Variants in NNMT observed in about 807,000 individuals in gnomAD.
NNMT encodes nicotinamide N-methyltransferase.
Under a neutral mutation model 11.7 loss-of-function variants are expected in NNMT, and 10 were observed. The ratio of observed to expected loss-of-function variants is 0.85; its 90% CI spans 0.53 to 1.45. The LOEUF (loss-of-function observed/expected upper bound fraction) is 1.45. Among genes scored for constraint, NNMT ranks in the 40% most tolerant of loss-of-function variants. The probability of loss-of-function intolerance (pLI) is 0.00; values close to 1 mark genes in which losing one functional copy is unlikely to be tolerated. For synonymous variants in NNMT, 143 were observed against 133.8 expected, an observed-to-expected ratio of 1.07 and a Z score of -0.48; for missense variants, 381 against 319.4, an observed-to-expected ratio of 1.19 and a Z score of -1.47.
chr11:114,304,078 T>C (rs899352077), intron 2 of NNMT, among the ~76,000 whole-genome samples: 1 of 152,230 alleles, frequency 6.6e-6, no homozygotes, highest in Non-Finnish European at 1.5e-5. Flanking sequence ...ATGAAATTGA[T>C]ATTAACTAGA....
At chr11:114,258,179 G>T (rs959223249) in intron 1 of NNMT, among the ~76,000 whole-genome samples, 1 of 152,186 alleles carries the variant, frequency 6.6e-6, no homozygotes, top group African/African-American at 2.4e-5. Flanking sequence ...CAGAAGAGGG[G>T]ACAGGCACCG....
rs147555984 is a variant in NNMT, at chr11:114,271,571, C to A, written c.-130+8637C>A. 5.1e-3 allele frequency among the ~76,000 whole-genome samples: 784 copies of A among 152,276 alleles called. 4 individuals are homozygous for A. The highest frequency in any genetic ancestry group is 0.018 in the African/African-American group (756 of 41,538). On this transcript the variant is annotated intron_variant, in intron 2 of 4. Transcript: ENST00000535401. ...TTTTGACCTGCATCTGGGTTAGATT[C>A]AATTTTTTAGCCTCAAGCCAAGCAT...
chr11:114,267,205 C>G (rs1945128639), intron 2 of NNMT, among the ~76,000 whole-genome samples: 1 of 152,202 alleles, frequency 6.6e-6, no homozygotes, highest in African/African-American at 2.4e-5. Context: ...GCAGAGGTTG[C>G]AGTTCACCAA....
chr11:114,262,431 C>G (rs1591823685), intron 1 of NNMT, among the ~76,000 whole-genome samples: 1 of 152,084 alleles, frequency 6.6e-6, no homozygotes, highest in African/African-American at 2.4e-5. Context: ...GTTCAGCTCC[C>G]ACTTATAAGT....
At chr11:114,298,367 A>C in intron 2 of NNMT, 1 of 558,662 alleles carries the variant, frequency 1.8e-6, no homozygotes. Context: ...AGAGTAATGG[A>C]AGACACAGGG....
Position 114,296,676 on chromosome 11 carries a change from C to T in NNMT, c.120C>T (p.His40=), listed in dbSNP as rs1325485382. ...CTGCAGAAAGCCAGATTCTTAAGCA[C>T]CTTCTGAAAAATCTTTTCAAGATAT... ...RHSAESQILK[H]LLKNLFKIFC... is the part of the protein sequence containing the mutation. Residue 40 remains histidine (H), a synonymous_variant, in exon 1 of 3, where the codon CAC becomes CAT. Coordinates refer to ENST00000299964, the MANE Select transcript of NNMT (RefSeq NM_006169.3). 1.9e-6 allele frequency: 3 copies of T among 1,614,160 alleles called. No homozygotes were observed. The highest frequency in any genetic ancestry group is 2.5e-6 in the Non-Finnish European group (3 of 1,180,016).
intron 2 of NNMT, among the ~76,000 whole-genome samples, chr11:114,274,510 T>C (rs1048236824): frequency 1.3e-5 from 2 of 152,236 alleles, no homozygotes; most frequent in African/African-American, 4.8e-5. Flanking sequence ...AGTTCGGTGT[T>C]TGTTTTTGCA....
Position 114,312,341 on chromosome 11 carries a change from C to T in NNMT, c.659C>T (p.Ala220Val), listed in dbSNP as rs548099314. Residue 220 changes from alanine to valine, a missense_variant, in exon 3 of 3, where the codon GCA (alanine) becomes GTA (valine). Ala to Val is a moderately conservative substitution (Grantham distance 64). Transcript: ENST00000299964. Reference protein sequence around the residue: ...KFSSLPLGREAVEAAVKEAGY... With the variant: ...KFSSLPLGREVVEAAVKEAGY... ...TCCAGCCTCCCCCTGGGCCGGGAGG[C>T]AGTAGAGGCTGCTGTGAAAGAGGCT... The T allele has an allele frequency of 6.2e-7, 1 of 1,614,184 alleles. No individual in the cohort carries two copies. The highest frequency in any genetic ancestry group is 1.3e-5 in the African/African-American group (1 of 75,056).
chr11:114,296,333 C>A (rs970848931), upstream of NNMT: 27 of 512,118 alleles, frequency 5.3e-5, no homozygotes, highest in Admixed American at 8.3e-4. Flanking sequence ...TTCGCCTAAG[C>A]TCCCTTCTCC....
chr11:114,258,565 G>T (rs1945049418), intron 1 of NNMT, among the ~76,000 whole-genome samples: 1 of 152,236 alleles, frequency 6.6e-6, no homozygotes. Flanking sequence ...TGGCCTCAGT[G>T]CCCTGCTTCA....
chr11:114,282,201 G>A (rs1432473285), intron 2 of NNMT, among the ~76,000 whole-genome samples: 1 of 152,170 alleles, frequency 6.6e-6, no homozygotes, highest in African/African-American at 2.4e-5. Context: ...TCCAGCCTGG[G>A]CCACAGAGTG....
intron 1 of NNMT, among the ~76,000 whole-genome samples, chr11:114,262,159 C>A (rs1470015121): frequency 6.6e-6 from 1 of 152,160 alleles, no homozygotes; most frequent in Non-Finnish European, 1.5e-5. Flanking sequence ...CAGCTCCTGC[C>A]TTTAAATCCA....
At chr11:114,299,762 T>C (rs1036255885) in intron 2 of NNMT, among the ~76,000 whole-genome samples, 8 of 151,652 alleles carry the variant, frequency 5.3e-5, no homozygotes, top group African/African-American at 1.9e-4. Flanking sequence ...AAGAAGTTTG[T>C]CCTTTTTATC....
chr11:114,306,838 G>A (rs1405407481), intron 2 of NNMT, among the ~76,000 whole-genome samples: 1 of 152,076 alleles, frequency 6.6e-6, no homozygotes, highest in Non-Finnish European at 1.5e-5. Flanking sequence ...CTGTCGAGGT[G>A]GCAGTTCTCT....
chr11:114,277,372 T>A (rs190500807), intron 2 of NNMT, among the ~76,000 whole-genome samples: 2 of 152,214 alleles, frequency 1.3e-5, no homozygotes, highest in African/African-American at 4.8e-5. Context: ...TGTAAGAGTT[T>A]TGGCTGACTT....
At position 114,271,633 on chromosome 11, in the gene NNMT, C is replaced by T. The variant is rs1231279559; in HGVS notation, c.-130+8699C>T. On this transcript the variant is annotated intron_variant, in intron 2 of 4. Transcript: ENST00000535401. ...AACTCCTCGTTTCTCATCATGTCAT[C>T]CTCTTCACCCTCCTCTAAACCTGTT... Among the ~76,000 whole-genome samples the T allele has an allele frequency of 3.9e-5, 6 of 152,166 alleles. No homozygotes were observed. In the East Asian group the frequency reaches 1.2e-3, roughly 29 times the overall value.
chr11:114,309,733 T>C (rs1945532466), intron 2 of NNMT, among the ~76,000 whole-genome samples: 1 of 152,210 alleles, frequency 6.6e-6, no homozygotes, highest in African/African-American at 2.4e-5. Context: ...TTACAACATT[T>C]TCATAATTCT....
chr11:114,260,938 C>A (rs2135238830), intron 1 of NNMT, among the ~76,000 whole-genome samples: 1 of 152,344 alleles, frequency 6.6e-6, no homozygotes, highest in East Asian at 1.9e-4. Flanking sequence ...GGCCTCACTT[C>A]CTCAACCCTA....
rs527717437 is a variant in NNMT at position 114,297,319 on chromosome 11, GT to G, written c.155-620del. The stretch of plus-strand genomic sequence containing the variant: ...TGGATTGGGGAATAAAAAATGAAAA[GT>G]TTTTTTTTTTTCTTTTTGACTTTAA... On this transcript the variant is annotated intron_variant, in intron 1 of 2. Coordinates refer to ENST00000299964, the MANE Select transcript of NNMT (RefSeq NM_006169.3). 7.2e-3 allele frequency: 1,043 copies of G among 143,984 alleles called. 11 individuals carry two copies. Among genetic ancestry groups the G allele is most frequent in the African/African-American group, 0.025 (978 of 39,488 alleles). The allele number at this position is 143,984 out of a possible 1,614,324, so 8.9% of individuals were successfully genotyped here.
Sources: gnomAD v4.1 joint callset for allele counts (sites outside exome capture counted in the v4.1 genomes callset) on GRCh38, gnomAD v4.1.1 for gene constraint, MANE v1.5 for transcripts, NCBI Gene and HGNC (gene_info 2026-07-23, HGNC 2026-07-21) for gene names.